UBA7: variants seen among roughly 807,000 people sequenced by gnomAD.
The protein encoded by UBA7 is ubiquitin-like modifier-activating enzyme 7.
Under a neutral mutation model 113.0 loss-of-function variants are expected in UBA7, and 88 were observed. The ratio of observed to expected loss-of-function variants is 0.78; its 90% CI spans 0.66 to 0.93. UBA7 has a LOEUF of 0.93. Among genes scored for constraint, UBA7 ranks in the 40% least tolerant of loss-of-function variants. UBA7 has a pLI of 0.00. For missense variants in UBA7, 1,092 were observed against 1,266.4 expected, an observed-to-expected ratio of 0.86 and a Z score of 2.09; for synonymous variants, 459 against 513.0, an observed-to-expected ratio of 0.89 and a Z score of 1.42.
At position 49,809,172 on chromosome 3, in the gene UBA7, C is replaced by T; in HGVS notation, c.2164-13G>A. The T allele has an allele frequency of 6.2e-7, 1 of 1,603,494 alleles. No homozygotes were observed. The highest frequency in any genetic ancestry group is 8.5e-7 in the Non-Finnish European group (1 of 1,174,096). ...GGAGGTGTGTGTCCTGCAGCCAGAC[C>T]AAGAGCAGGAACAGAGGCATGGGTG... On this transcript the variant is annotated splice_polypyrimidine_tract_variant and intron_variant, in intron 17 of 23. Coordinates refer to ENST00000333486, the MANE Select transcript of UBA7 (RefSeq NM_003335.3).
rs375148481 is a variant in UBA7 at position 49,813,102 on chromosome 3, C to G, written c.427G>C (p.Gly143Arg). Reference protein sequence around the residue: ...LKVGTLCHKHGVCFLAADTRG... With the variant: ...LKVGTLCHKHRVCFLAADTRG... The stretch of plus-strand genomic sequence containing the variant: ...GTGTCAGCCGCCAGAAAGCAAACTC[C>G]ATGCTTATGACACAAGGTGCCCACC... The change falls in exon 4 of 24, where the codon GGA (glycine) becomes CGA (arginine). Residue 143 changes from glycine to arginine, a missense_variant. By Grantham distance (125) the Gly-to-Arg change is moderately radical. This residue lies in a region of UBA7 where 584 missense variants were observed against 714.5 expected (regional missense o/e 0.82). Transcript: ENST00000333486. 82 of 1,614,152 alleles carry G rather than the reference C, an allele frequency of 5.1e-5. No individual in the cohort carries two copies. The highest frequency in any genetic ancestry group is 6.8e-5 in the Non-Finnish European group (80 of 1,180,016).
Position 49,811,282 on chromosome 3 carries a change from T to C in UBA7, c.1113A>G (p.Glu371=). 1 of 1,614,068 alleles carries C rather than the reference T, an allele frequency of 6.2e-7. No homozygotes were observed. The highest frequency in any genetic ancestry group is 8.5e-7 in the Non-Finnish European group (1 of 1,179,992). The change falls in exon 9 of 24, where the codon GAA becomes GAG. Residue 371 remains glutamate (E), a synonymous_variant. Transcript: ENST00000333486. The part of the protein sequence containing the change: ...VAMLGAVAAQ[E]VLKAISRKFM... Reference sequence around the variant, plus strand: ...CTATGCCTCTGCCCACCTTCAGCACTTCCTGGGCAGCTACTGCACCCAGCA... The same window carrying C: ...CTATGCCTCTGCCCACCTTCAGCACCTCCTGGGCAGCTACTGCACCCAGCA...
In UBA7 at chr3:49,811,870, A is replaced by G; in HGVS notation, c.939T>C (p.Pro313=). The G allele has an allele frequency of 6.2e-7, 1 of 1,613,336 alleles. No individual in the cohort carries two copies. The highest frequency in any genetic ancestry group is 2.2e-5 in the East Asian group (1 of 44,888). ...LHGRPPQPWD[P]VDAETVVGLA... ...GGGTGGGAGCAACAGGACTACTCAC[A>G]GGATCCCAGGGCTGGGGTGGCCGGC... Residue 313 remains proline, a splice_region_variant and synonymous_variant, in exon 8 of 24, where the codon CCT becomes CCC. Coordinates refer to ENST00000333486, the MANE Select transcript of UBA7 (RefSeq NM_003335.3).
In UBA7 at chr3:49,810,489, A is replaced by G. The variant is rs1375391684; in HGVS notation, c.1467+28T>C. 6.2e-7 allele frequency: 1 copy of G among 1,614,070 alleles called. No individual in the cohort carries two copies. The highest frequency in any genetic ancestry group is 1.1e-5 in the South Asian group (1 of 91,086). ...TGTATGGGAGGACGGTCTGGGATGC[A>G]GGAGTGTGGAGAGGGGTCAGCACTC... On this transcript the variant is annotated intron_variant, in intron 12 of 23. Coordinates refer to ENST00000333486, the MANE Select transcript of UBA7 (RefSeq NM_003335.3). This position sits in a 1 kb window ranked among gnomAD's most constrained non-coding sequence, Gnocchi z 5.6.
In UBA7 at chr3:49,812,049, G is replaced by C. The variant is rs763598659; in HGVS notation, c.793-33C>G. 3 of 1,614,186 alleles carry C rather than the reference G, an allele frequency of 1.9e-6. No homozygotes were observed. In the South Asian group the frequency reaches 3.3e-5, roughly 18 times the overall value. On this transcript the variant is annotated intron_variant, in intron 7 of 23. Transcript: ENST00000333486. ...GGCACCTGGCTCAGGGTCTAGTCCA[G>C]AATGCTATGGGCCCCTCAAGGCGAC...
In UBA7 at chr3:49,813,749, C is replaced by T; in HGVS notation, c.39G>A (p.Glu13=). 6.2e-7 allele frequency: 1 copy of T among 1,614,232 alleles called. No homozygotes were observed. The highest frequency in any genetic ancestry group is 8.5e-7 in the Non-Finnish European group (1 of 1,180,032). ...ALDASKLLDE[E]LYSRQLYVLG... ...GGCCTCACAGCTGTCTTGAATACAG[C>T]TCCTCATCCAGTAGCTTCGAAGCGT... The change falls in exon 1 of 24, where the codon GAG becomes GAA. Residue 13 remains glutamate, a synonymous_variant. Transcript: ENST00000333486.
chr3:49,808,322 T>C, intron 19 of UBA7, 64 bp downstream of exon 19: 3 of 1,602,386 alleles, frequency 1.9e-6, no homozygotes, highest in South Asian at 1.1e-5. Flanking sequence ...AACTACCTTA[T>C]TAGCTCCTGA....
rs758397374 is a variant in UBA7, at chr3:49,810,839, G to C, written c.1231-7C>G. 12 of 1,614,010 alleles carry C rather than the reference G, an allele frequency of 7.4e-6. No homozygotes were observed. Among genetic ancestry groups the C allele is most frequent in the Non-Finnish European group, 9.3e-6 (11 of 1,180,016 alleles). On this transcript the variant is annotated splice_region_variant and splice_polypyrimidine_tract_variant and intron_variant, in intron 10 of 23. Transcript: ENST00000333486. This position sits in a 1 kb window ranked among gnomAD's most constrained non-coding sequence, Gnocchi z 5.6. Reference sequence around the variant, plus strand: ...CATCATAGCGGCTGCCTCTCTAGGGGACAGAGACGGGGTCAGTGATGGCTA... The same window carrying C: ...CATCATAGCGGCTGCCTCTCTAGGGCACAGAGACGGGGTCAGTGATGGCTA...
At chr3:49,808,857 A>G in intron 18 of UBA7, 119 bp downstream of exon 18, 1 of 1,308,888 alleles carries the variant, frequency 7.6e-7, no homozygotes, top group Non-Finnish European at 1.0e-6. Context: ...GAGGCCTGAG[A>G]GGTAGCAAAT....
Position 49,813,716 on chromosome 3 carries a change from C to A in UBA7, c.56+16G>T. 1.2e-6 allele frequency: 2 copies of A among 1,614,236 alleles called. No homozygotes were observed. The highest frequency in any genetic ancestry group is 1.7e-6 in the Non-Finnish European group (2 of 1,180,038). On this transcript the variant is annotated intron_variant, in intron 1 of 23. Transcript: ENST00000333486. Reference sequence around the variant, plus strand: ...TGAAGACCATCCCACTCTCCACCCCCCACCTCGGGCCTCACAGCTGTCTTG... The same window carrying A: ...TGAAGACCATCCCACTCTCCACCCCACACCTCGGGCCTCACAGCTGTCTTG...
rs750162175 is a variant in UBA7, at chr3:49,813,184, G to C, written c.361-16C>G. 4.3e-6 allele frequency: 7 copies of C among 1,613,668 alleles called. No homozygotes were observed. The African/African-American group carries it at 9.3e-5, about 22-fold the overall frequency. ...GCACCACCACCTGGGTGGACACAGT[G>C]ATCAGCAGGGCCAAAACCATTGCCC... is the stretch of plus-strand genomic sequence containing the variant. On this transcript the variant is annotated splice_polypyrimidine_tract_variant and intron_variant, in intron 3 of 23. Transcript: ENST00000333486.
At position 49,810,670 on chromosome 3, in the gene UBA7, C is replaced by T. The variant is rs141890605; in HGVS notation, c.1314G>A (p.Val438=). ...GCTCACAACCAATGGCACCAGCGCC[C>T]ACCTGTTGGCAGGAACAGCCTTAGC... The part of the protein sequence containing the change: ...EKLRRQHYLL[V]GAGAIGCELL... Residue 438 remains valine (V), a splice_region_variant and synonymous_variant, in exon 12 of 24, where the codon GTG becomes GTA. Transcript: ENST00000333486. This position sits in a 1 kb window ranked among gnomAD's most constrained non-coding sequence, Gnocchi z 5.6. 2.2e-4 allele frequency: 358 copies of T among 1,614,084 alleles called. 2 individuals are homozygous for T. The African/African-American group carries it at 4.3e-3, about 19-fold the overall frequency.
chr3:49,807,573 T>A lies in UBA7; in HGVS notation c.2715+163A>T, dbSNP rs58339610. Among the ~76,000 whole-genome samples, 27,115 of 151,966 alleles carry A rather than the reference T, an allele frequency of 0.18. 2,765 individuals carry two copies. The highest frequency in any genetic ancestry group is 0.26 in the African/African-American group (10,656 of 41,410). On this transcript the variant is annotated intron_variant, in intron 21 of 23. Transcript: ENST00000333486. This position sits in a 1 kb window ranked among gnomAD's most constrained non-coding sequence, Gnocchi z 4.0. The stretch of plus-strand genomic sequence containing the variant: ...ACGGCTGCTTCCTGTGTCTGACAGG[T>A]CCCAGCCTGGCTTCATAGCAGGAAG...
In UBA7 at chr3:49,810,176, A is replaced by C. The variant is rs1035199837; in HGVS notation, c.1641T>G (p.Tyr547Ter). Reference protein sequence around the residue: ...AALDSFQARRYVAARCTHYLK... With the variant: ...AALDSFQARR ...GATAGTGGGTGCAACGAGCAGCCACATAGCGCCCTGGCAAGGGAGCAGTGG... is the reference window on the plus strand; with the variant it reads ...GATAGTGGGTGCAACGAGCAGCCACCTAGCGCCCTGGCAAGGGAGCAGTGG... Residue 547 changes from tyrosine (Y) to a stop codon, truncating the protein, a stop_gained, in exon 14 of 24, where the codon TAT (tyrosine) becomes TAG (stop). Coordinates refer to ENST00000333486, the MANE Select transcript of UBA7 (RefSeq NM_003335.3). LOFTEE classifies it high-confidence loss of function. This position sits in a 1 kb window ranked among gnomAD's most constrained non-coding sequence, Gnocchi z 5.6. The C allele has an allele frequency of 6.2e-7, 1 of 1,613,096 alleles. No homozygotes were observed. Among genetic ancestry groups the C allele is most frequent in the Non-Finnish European group, 8.5e-7 (1 of 1,179,850 alleles).
At chr3:49,813,420 T>A (rs1183695669) in intron 2 of UBA7, 37 bp from the exon 3 acceptor site, 3 of 1,609,372 alleles carry the variant, frequency 1.9e-6, no homozygotes, top group East Asian at 4.5e-5. Context: ...GCAAAGACAC[T>A]CCTCTTGGGC....
intron 18 of UBA7, 25 bp downstream of exon 18, chr3:49,808,951 G>A (rs751328737): frequency 6.2e-7 from 1 of 1,608,858 alleles, no homozygotes; most frequent in Non-Finnish European, 8.5e-7. Flanking sequence ...AAGACAGCAT[G>A]AGGGGCCAGG....
At chr3:49,806,293 G>C (rs764978999) in intron 21 of UBA7, 128 bp from the exon 22 acceptor site, 65 of 808,472 alleles carry the variant, frequency 8.0e-5, no homozygotes, top group Non-Finnish European at 1.1e-4. Flanking sequence ...TGGGGGGTGG[G>C]GGGGAGGTGG....
Position 49,805,989 on chromosome 3 carries a change from G to A in UBA7, c.2817C>T (p.His939=), listed in dbSNP as rs947151321. The A allele has an allele frequency of 1.5e-5, 23 of 1,566,520 alleles. No individual in the cohort carries two copies. Among genetic ancestry groups the A allele is most frequent in the African/African-American group, 5.4e-5 (4 of 73,742 alleles). The change falls in exon 23 of 24, where the codon CAC becomes CAT. Residue 939 remains histidine (H), a synonymous_variant. Coordinates refer to ENST00000333486, the MANE Select transcript of UBA7 (RefSeq NM_003335.3). The stretch of plus-strand genomic sequence containing the variant: ...GCAGCAGGATCCTCACCCTCAACCC[G>A]TGCTGCTCCTAGAGGAGAAAGGTCA... The part of the protein sequence containing the change: ...ESLLAHLQEQ[H]GLRVRILLHG...
rs1314819127 is a variant in UBA7 at position 49,809,850 on chromosome 3, G to C, written c.1869C>G (p.Phe623Leu). 6.2e-7 allele frequency: 1 copy of C among 1,614,186 alleles called. No individual in the cohort carries two copies. Among genetic ancestry groups the C allele is most frequent in the South Asian group, 1.1e-5 (1 of 91,076 alleles). Residue 623 changes from phenylalanine to leucine, a missense_variant, in exon 15 of 24, where the codon TTC (phenylalanine) becomes TTG (leucine). Physicochemically the swap from Phe to Leu is conservative, Grantham distance 22. This residue lies in a region of UBA7 where 500 missense variants were observed against 529.3 expected (regional missense o/e 0.94). Transcript: ENST00000333486. ...QWARHEFEELFRLSAETINHH... is the reference protein window; with the variant it reads ...QWARHEFEELLRLSAETINHH... ...GGTTGATGGTCTCTGCAGACAGTCG[G>C]AAGAGTTCTTCAAACTCATGCCGGG...
Sources: allele counts gnomAD v4.1 joint callset (sites outside exome capture counted in the v4.1 genomes callset), GRCh38; gene constraint gnomAD v4.1.1; regional missense constraint gnomAD v4.1.1; non-coding constraint Gnocchi (gnomAD v3.1); transcripts MANE v1.5; gene names NCBI Gene and HGNC (gene_info 2026-07-23, HGNC 2026-07-21).